Variants in NTAQ1 observed in about 807,000 individuals in gnomAD.
The protein encoded by NTAQ1 is N-terminal glutamine amidase 1, also known as protein N-terminal glutamine amidohydrolase.
In NTAQ1, 21 loss-of-function variants were observed where a neutral mutation model predicts 28.2. The observed-to-expected ratio is 0.74, with a 90% CI of 0.53 to 1.07. NTAQ1 has a LOEUF of 1.07. NTAQ1 is among the 50% of genes least tolerant of loss of function. NTAQ1 has a pLI of 0.00. For missense variants in NTAQ1, 264 were observed against 256.6 expected (o/e 1.03, Z -0.20); for synonymous variants, 105 against 90.0 (o/e 1.17, Z -0.94).
chr8:123,475,082 A>G, the NTAQ1 span, among the ~76,000 whole-genome samples: 2 of 151,846 alleles, frequency 1.3e-5, no homozygotes, highest in African/African-American at 2.4e-5. Context: ...CTCCTCCCTC[A>G]TTTATTTTTT....
intron 1 of NTAQ1, among the ~76,000 whole-genome samples, chr8:123,423,327 T>C (rs988617943): frequency 2.9e-5 from 4 of 135,754 alleles, no homozygotes; most frequent in Admixed American, 2.9e-4. Flanking sequence ...TTTTTCTTTC[T>C]TTGTCTTTCT....
downstream of NTAQ1, among the ~76,000 whole-genome samples, chr8:123,471,391 G>T (rs771168855): frequency 6.6e-6 from 1 of 152,158 alleles, no homozygotes; most frequent in Non-Finnish European, 1.5e-5. Flanking sequence ...TGTAGTCAGG[G>T]TTCTCCAGAG....
downstream of NTAQ1, among the ~76,000 whole-genome samples, chr8:123,471,262 C>T (rs538445989): frequency 4.6e-5 from 7 of 151,988 alleles, no homozygotes; most frequent in African/African-American, 1.7e-4. Context: ...ATCAGTCATA[C>T]CAGGTTAAAG....
upstream of NTAQ1, chr8:123,416,726 C>G: frequency 1.1e-6 from 1 of 941,734 alleles, no homozygotes; most frequent in Non-Finnish European, 1.5e-6. Context: ...TGCCCCGGCC[C>G]TCTCCCCCCG....
chr8:123,460,638 A>G (rs1413903297), intron 6 of NTAQ1, among the ~76,000 whole-genome samples: 1 of 152,196 alleles, frequency 6.6e-6, no homozygotes, highest in Non-Finnish European at 1.5e-5. Flanking sequence ...CGGTCAGGGT[A>G]AGCTCTTCAA....
chr8:123,429,690 C>A (rs13278626), intron 2 of NTAQ1, among the ~76,000 whole-genome samples: 55,016 of 151,792 alleles, frequency 0.36, 10,064 homozygotes, highest in East Asian at 0.56. Flanking sequence ...CATGATGAAA[C>A]CTTGTGTCAA....
chr8:123,428,123 C>CCTG, intron 2 of NTAQ1, 100 bp downstream of exon 2: 2 of 834,920 alleles, frequency 2.4e-6, no homozygotes, highest in Non-Finnish European at 3.8e-6. Context: ...GGGTGTAGTA[C>CCTG]TCTTCTGAAG....
downstream of NTAQ1, among the ~76,000 whole-genome samples, chr8:123,470,465 G>C (rs1026047977): frequency 2.0e-5 from 3 of 152,228 alleles, no homozygotes; most frequent in African/African-American, 4.8e-5. Flanking sequence ...CCAGGTGTCT[G>C]AAGGAGTCAG....
intron 2 of NTAQ1, among the ~76,000 whole-genome samples, chr8:123,429,544 C>T (rs1255585898): frequency 1.3e-5 from 2 of 152,186 alleles, no homozygotes; most frequent in South Asian, 4.1e-4. Flanking sequence ...TGAGTAGCCA[C>T]TGCACTCCAG....
intron 3 of NTAQ1, chr8:123,435,427 C>T: frequency 1.0e-6 from 1 of 980,862 alleles, no homozygotes; most frequent in South Asian, 4.7e-5. Context: ...TTAAAGTCCT[C>T]CTTCTCCTCT....
chr8:123,425,128 G>C (rs1377139094), intron 1 of NTAQ1, among the ~76,000 whole-genome samples: 2 of 151,774 alleles, frequency 1.3e-5, no homozygotes, highest in African/African-American at 4.8e-5. Flanking sequence ...GTCTCTCTCT[G>C]TCGCCCAGGC....
chr8:123,472,922 T>C (rs1816054883), downstream of NTAQ1, among the ~76,000 whole-genome samples: 1 of 152,314 alleles, frequency 6.6e-6, no homozygotes, highest in South Asian at 2.1e-4. Context: ...CTTCCCTCTT[T>C]CCTTTCATCG....
intron 3 of NTAQ1, among the ~76,000 whole-genome samples, chr8:123,432,114 G>A (rs917456670): frequency 8.5e-5 from 13 of 152,160 alleles, no homozygotes; most frequent in Admixed American, 5.2e-4. Context: ...GGTAGGCCTC[G>A]CTGAGTGAGC....
At position 123,441,484 on chromosome 8, in the gene NTAQ1, C is replaced by G; in HGVS notation, c.*69C>G. On this transcript the variant is annotated 3_prime_UTR_variant, in exon 6 of 6. Transcript: ENST00000287387. Reference sequence around the variant, plus strand: ...GAACAAGCTATCCTTTCATCGAGGACAGCAAACATTATGGTACAGTTGGCT... The same window carrying G: ...GAACAAGCTATCCTTTCATCGAGGAGAGCAAACATTATGGTACAGTTGGCT... 1 of 1,235,356 alleles carries G rather than the reference C, an allele frequency of 8.1e-7. No individual in the cohort carries two copies. Among genetic ancestry groups the G allele is most frequent in the East Asian group, 2.5e-5 (1 of 39,282 alleles). The allele number at this position is 1,235,356 out of a possible 1,614,324, so 76.5% of individuals were successfully genotyped here. A position where few individuals can be genotyped will look rare whatever the true frequency, so the allele number is the denominator to read the frequency against.
chr8:123,431,353 A>T (rs1436142820), intron 3 of NTAQ1, among the ~76,000 whole-genome samples: 1 of 151,750 alleles, frequency 6.6e-6, no homozygotes, highest in Non-Finnish European at 1.5e-5. Flanking sequence ...AAAAAAAAAA[A>T]AAAATAGAGT....
chr8:123,473,034 G>A (rs1204115663), downstream of NTAQ1, among the ~76,000 whole-genome samples: 1 of 152,182 alleles, frequency 6.6e-6, no homozygotes, highest in African/African-American at 2.4e-5. Flanking sequence ...GAGGGGATGG[G>A]AAGGTGTTCA....
chr8:123,455,478 T>C (rs1815622593), intron 6 of NTAQ1, among the ~76,000 whole-genome samples: 1 of 144,196 alleles, frequency 6.9e-6, no homozygotes, highest in South Asian at 2.2e-4. Flanking sequence ...CTGGCTGGAG[T>C]GCAGTGGTGC....
chr8:123,462,260 T>C (rs774959750), intron 6 of NTAQ1, among the ~76,000 whole-genome samples: 8 of 152,122 alleles, frequency 5.3e-5, no homozygotes, highest in Non-Finnish European at 1.2e-4. Context: ...GCTCTCCAGG[T>C]TGGTCTTGAA....
Position 123,441,491 on chromosome 8 carries a change from CATT to C in NTAQ1, c.*79_*81del. The stretch of plus-strand genomic sequence containing the variant: ...CTATCCTTTCATCGAGGACAGCAAA[CATT>C]ATGGTACAGTTGGCTTGGAATTATG... On this transcript the variant is annotated 3_prime_UTR_variant, in exon 6 of 6. Coordinates refer to ENST00000287387, the MANE Select transcript of NTAQ1 (RefSeq NM_018024.3). 3.5e-6 allele frequency: 4 copies of C among 1,129,988 alleles called. No individual in the cohort carries two copies. In the South Asian group the frequency reaches 5.4e-5, roughly 15 times the overall value. 70.0% of individuals were successfully genotyped at this position (1,129,988 alleles called of 1,614,324 possible). A position where few individuals can be genotyped will look rare whatever the true frequency, so the allele number is the denominator to read the frequency against.
Sources: gnomAD v4.1 joint callset for allele counts (sites outside exome capture counted in the v4.1 genomes callset) on GRCh38, gnomAD v4.1.1 for gene constraint, MANE v1.5 for transcripts, NCBI Gene and HGNC (gene_info 2026-07-23, HGNC 2026-07-21) for gene names.